Variants in FAM234A observed in about 807,000 individuals in gnomAD.
The protein encoded by FAM234A is protein FAM234A.
In FAM234A, 42 loss-of-function variants were observed where a neutral mutation model predicts 49.1. The ratio of observed to expected loss-of-function variants is 0.86; its 90% CI spans 0.67 to 1.11. The LOEUF (loss-of-function observed/expected upper bound fraction) is 1.11. Among genes scored for constraint, FAM234A ranks in the 50% least tolerant of loss-of-function variants. The pLI is 0.00. For synonymous variants in FAM234A, 369 were observed against 316.2 expected (o/e 1.17, Z -1.77); for missense variants, 815 against 745.2 (o/e 1.09, Z -1.09).
At chr16:254,275 G>A (rs1321624611) in intron 2 of FAM234A, 106 bp from the exon 3 acceptor site, 2 of 841,396 alleles carry the variant, frequency 2.4e-6, no homozygotes, top group African/African-American at 3.4e-5. Flanking sequence ...CCCATAGTTA[G>A]AGCTGCAGCC....
downstream of FAM234A, chr16:269,368 C>T (rs770256752): frequency 7.5e-6 from 12 of 1,603,068 alleles, no homozygotes; most frequent in Admixed American, 3.4e-5. Context: ...GTGGCCTCCA[C>T]GTAAACGGGA....
intron 3 of FAM234A, among the ~76,000 whole-genome samples, 164 bp from the exon 4 acceptor site, chr16:259,319 C>T (rs1337411653): frequency 6.6e-6 from 1 of 152,136 alleles, no homozygotes; most frequent in Non-Finnish European, 1.5e-5. Flanking sequence ...CCCTGGTTTT[C>T]ACGAAGGAAA....
Position 265,250 on chromosome 16 carries a change from C to A in FAM234A, c.*228C>A, listed in dbSNP as rs1354563050. ...CCCGCCCAGCATCCTCCCTGAGTCC[C>A]CACACAGGGCCTCACTCTGCACCCC... On this transcript the variant is annotated 3_prime_UTR_variant, in exon 13 of 13. Transcript: ENST00000399932. 1.4e-5 allele frequency: 19 copies of A among 1,365,378 alleles called. No homozygotes were observed. Among genetic ancestry groups the A allele is most frequent in the Non-Finnish European group, 1.7e-5 (18 of 1,060,916 alleles). 84.6% of individuals were successfully genotyped at this position (1,365,378 alleles called of 1,614,324 possible).
chr16:263,923 C>G, intron 10 of FAM234A, 93 bp from the exon 11 acceptor site: 1 of 1,460,460 alleles, frequency 6.8e-7, no homozygotes, highest in Admixed American at 1.7e-5. Context: ...GCCTCCAGGG[C>G]TGGCATGGCT....
At chr16:261,604 CA>C in intron 6 of FAM234A, 90 bp downstream of exon 6, 2 of 1,462,564 alleles carry the variant, frequency 1.4e-6, no homozygotes, top group South Asian at 2.6e-5. Context: ...ACTTCCCAGA[CA>C]GGATTCGGGT....
chr16:268,791 C>T (rs2051785867), downstream of FAM234A: 5 of 1,550,254 alleles, frequency 3.2e-6, no homozygotes, highest in East Asian at 1.2e-4. Flanking sequence ...CACTGGGCGA[C>T]AGCGGAGAGG....
Position 263,337 on chromosome 16 carries a change from C to G in FAM234A, c.1047C>G (p.Ala349=), listed in dbSNP as rs765918235. The change falls in exon 9 of 13, where the codon GCC becomes GCG. Residue 349 remains alanine, a synonymous_variant. Coordinates refer to ENST00000399932, the MANE Select transcript of FAM234A (RefSeq NM_032039.4). ...ATGTGCTTCTTGTGGGCTCAGAGGC[C>G]TTCGTGCTGCTGGACGGGCAGGAGC... is the stretch of plus-strand genomic sequence containing the variant. ...GADVLLVGSE[A]FVLLDGQELT... is the part of the protein sequence containing the mutation. The G allele has an allele frequency of 6.2e-7, 1 of 1,613,108 alleles. No individual in the cohort carries two copies. The highest frequency in any genetic ancestry group is 8.5e-7 in the Non-Finnish European group (1 of 1,180,014).
At position 259,988 on chromosome 16, in the gene FAM234A, C is replaced by A. The variant is rs757512424; in HGVS notation, c.405C>A (p.Thr135=). ...CVDEGFSSPC[T]FAAAVSGANG... ...CTACAGGCTTTTCCTCTCCCTGCACCTTTGCAGCTGCTGTGTCGGGGGCCA... is the reference window on the plus strand; with the variant it reads ...CTACAGGCTTTTCCTCTCCCTGCACATTTGCAGCTGCTGTGTCGGGGGCCA... The change falls in exon 5 of 13, where the codon ACC becomes ACA. Residue 135 remains threonine, a synonymous_variant. Transcript: ENST00000399932. 10 of 1,613,476 alleles carry A rather than the reference C, an allele frequency of 6.2e-6. No individual in the cohort carries two copies. The highest frequency in any genetic ancestry group is 8.5e-6 in the Non-Finnish European group (10 of 1,179,934).
intron 2 of FAM234A, among the ~76,000 whole-genome samples, chr16:252,890 C>T (rs965399031): frequency 2.6e-5 from 4 of 152,276 alleles, no homozygotes; most frequent in African/African-American, 9.6e-5. Flanking sequence ...CCTCTTTCAT[C>T]TTTCACCCCT....
chr16:235,947 G>A (rs1409385646), intron 1 of FAM234A, among the ~76,000 whole-genome samples: 1 of 150,926 alleles, frequency 6.6e-6, no homozygotes. Context: ...GAGGTCAGGA[G>A]TTCGAGACCA....
intron 1 of FAM234A, among the ~76,000 whole-genome samples, chr16:244,741 T>G (rs2141207360): frequency 7.6e-6 from 1 of 132,078 alleles, no homozygotes; most frequent in South Asian, 2.4e-4. Flanking sequence ...CAGGCTGGAG[T>G]GGAATGGCAC....
At chr16:255,412 A>G (rs574401773) in intron 3 of FAM234A, among the ~76,000 whole-genome samples, 29 of 152,242 alleles carry the variant, frequency 1.9e-4, no homozygotes, top group Middle Eastern at 6.8e-3. Flanking sequence ...CATCTCTACA[A>G]AAAATACAAA....
intron 5 of FAM234A, 148 bp downstream of exon 5, chr16:260,308 C>T: frequency 1.4e-6 from 1 of 726,766 alleles, no homozygotes; most frequent in African/African-American, 1.8e-5. Flanking sequence ...GGGAGAACCT[C>T]CAAGTGAGGC....
intron 5 of FAM234A, chr16:260,862 G>A (rs2051436964): frequency 2.9e-6 from 1 of 348,934 alleles, no homozygotes; most frequent in South Asian, 2.2e-5. Flanking sequence ...GTTGGACGAG[G>A]ACCTGTGGTC....
intron 6 of FAM234A, 51 bp downstream of exon 6, chr16:261,565 G>C (rs763540084): frequency 1.0e-5 from 16 of 1,524,812 alleles, no homozygotes; most frequent in Non-Finnish European, 1.3e-5. Flanking sequence ...CCTGCCACAC[G>C]GCCCTGCTCT....
Position 261,533 on chromosome 16 carries a change from C to G in FAM234A, c.708+19C>G, listed in dbSNP as rs941441004. 4.4e-6 allele frequency: 7 copies of G among 1,573,804 alleles called. No homozygotes were observed. The African/African-American group carries it at 6.7e-5, about 15-fold the overall frequency. On this transcript the variant is annotated intron_variant, in intron 6 of 12. Transcript: ENST00000399932. ...GGAGGAGGTACATCCCAGCCTGGCT[C>G]TGCTCCCAAGTCACGAGGCCACCTG... is the stretch of plus-strand genomic sequence containing the variant.
At chr16:259,219 G>C (rs552850878) in intron 3 of FAM234A, among the ~76,000 whole-genome samples, 2 of 152,300 alleles carry the variant, frequency 1.3e-5, no homozygotes, top group Admixed American at 1.3e-4. Flanking sequence ...ATTTATCCCT[G>C]AACAGAAGGT....
rs1468488749 is a variant in FAM234A at position 265,057 on chromosome 16, C to T, written c.*35C>T. On this transcript the variant is annotated 3_prime_UTR_variant, in exon 13 of 13. Transcript: ENST00000399932. ...AGCCAGAGCCTGTGGAGAGACTCCG[C>T]CTGCTGACACTAAACGTCCTGGGAA... 1 of 1,560,948 alleles carries T rather than the reference C, an allele frequency of 6.4e-7. No individual in the cohort carries two copies. Among genetic ancestry groups the T allele is most frequent in the Non-Finnish European group, 8.7e-7 (1 of 1,150,988 alleles).
At chr16:254,188 T>G in intron 2 of FAM234A, 193 bp from the exon 3 acceptor site, 1 of 585,222 alleles carries the variant, frequency 1.7e-6, no homozygotes, top group Non-Finnish European at 3.0e-6. Context: ...CCACACTAAT[T>G]AGAGACCTTC....
Sources: allele counts gnomAD v4.1 joint callset (sites outside exome capture counted in the v4.1 genomes callset), GRCh38; gene constraint gnomAD v4.1.1; transcripts MANE v1.5; gene names NCBI Gene and HGNC (gene_info 2026-07-23, HGNC 2026-07-21).